The following SVIL variants were observed in gnomAD, a reference collection of about 807,000 sequenced individuals.
The protein encoded by SVIL is supervillin.
Under a neutral mutation model 240.4 loss-of-function variants are expected in SVIL, and 101 were observed. The observed-to-expected ratio is 0.42, with a 90% CI of 0.36 to 0.50. The LOEUF (loss-of-function observed/expected upper bound fraction) is 0.50. Ranked by LOEUF, SVIL falls within the 20% of genes least tolerant of loss-of-function variation. The probability of loss-of-function intolerance (pLI) is 0.01; values close to 1 mark genes in which losing one functional copy is unlikely to be tolerated. For synonymous variants in SVIL, 999 were observed against 1,100.0 expected, an observed-to-expected ratio of 0.91 and a Z score of 1.82; for missense variants, 2,512 against 2,818.7, an observed-to-expected ratio of 0.89 and a Z score of 2.46.
chr10:29,655,557 C>A (rs1377838472), intron 3 of SVIL, among the ~76,000 whole-genome samples: 1 of 152,174 alleles, frequency 6.6e-6, no homozygotes. Context: ...CCCACTCCAC[C>A]AACTCAAATG....
At chr10:29,544,906 G>A in intron 6 of SVIL, 1 of 482,106 alleles carries the variant, frequency 2.1e-6, no homozygotes, top group South Asian at 1.5e-5. Flanking sequence ...TGGGGGTACA[G>A]GGACTGAAAG....
At chr10:29,541,539 A>G (rs1410239738) in intron 6 of SVIL, among the ~76,000 whole-genome samples, 1 of 152,236 alleles carries the variant, frequency 6.6e-6, no homozygotes, top group Non-Finnish European at 1.5e-5. Context: ...CAGGATAAAC[A>G]TGTGAGATAA....
intron 5 of SVIL, among the ~76,000 whole-genome samples, chr10:29,553,274 C>T (rs76468410): frequency 0.021 from 3,138 of 152,188 alleles, 104 homozygotes; most frequent in African/African-American, 0.071. Flanking sequence ...CTAGAAAACA[C>T]TGGCTATAAA....
intron 1 of SVIL, among the ~76,000 whole-genome samples, chr10:29,687,019 G>A (rs905051495): frequency 2.6e-5 from 4 of 152,170 alleles, no homozygotes; most frequent in Non-Finnish European, 4.4e-5. Flanking sequence ...AAGCCTGGAG[G>A]CTGAGTCATG....
chr10:29,463,661 C>A, intron 34 of SVIL, 26 bp from the exon 35 acceptor site: 1 of 1,609,762 alleles, frequency 6.2e-7, no homozygotes, highest in Non-Finnish European at 8.5e-7. Context: ...CAGGGCCAGA[C>A]CATCAGGAGC....
intron 6 of SVIL, among the ~76,000 whole-genome samples, chr10:29,542,436 G>A (rs190321082): frequency 6.6e-6 from 1 of 152,170 alleles, no homozygotes; most frequent in Admixed American, 6.5e-5. Flanking sequence ...ACAGTGCCGT[G>A]TCTGGAAAAA....
chr10:29,694,787 G>A (rs1322288216), intron 1 of SVIL, among the ~76,000 whole-genome samples: 1 of 152,152 alleles, frequency 6.6e-6, no homozygotes, highest in Non-Finnish European at 1.5e-5. Flanking sequence ...AACCAAAGGG[G>A]AAAAGGAAAA....
chr10:29,464,896 T>G (rs548243024), intron 34 of SVIL, among the ~76,000 whole-genome samples: 29 of 152,300 alleles, frequency 1.9e-4, no homozygotes, highest in East Asian at 1.4e-3. Flanking sequence ...AGTCTCTTGT[T>G]ACTTTCCCAA....
intron 2 of SVIL, among the ~76,000 whole-genome samples, chr10:29,565,278 T>A (rs2132704464): frequency 6.6e-6 from 1 of 152,348 alleles, no homozygotes; most frequent in African/African-American, 2.4e-5. Flanking sequence ...CCGCTGAATT[T>A]ACAGAGTGAG....
At chr10:29,522,693 G>A (rs1333256967) in intron 15 of SVIL, 58 bp from the exon 16 acceptor site, 14 of 1,554,860 alleles carry the variant, frequency 9.0e-6, no homozygotes, top group Non-Finnish European at 1.2e-5. Flanking sequence ...TTCTTCCAGC[G>A]ATTCGCCCTC....
At chr10:29,560,860 A>G (rs925944450) in intron 3 of SVIL, among the ~76,000 whole-genome samples, 1 of 142,460 alleles carries the variant, frequency 7.0e-6, no homozygotes, top group Non-Finnish European at 1.5e-5. Flanking sequence ...TTTTTTTTAG[A>G]CAGAGTCTCG....
intron 30 of SVIL, among the ~76,000 whole-genome samples, 176 bp from the exon 31 acceptor site, chr10:29,471,419 CAG>C (rs1184289069): frequency 1.3e-5 from 2 of 151,452 alleles, no homozygotes; most frequent in Non-Finnish European, 2.9e-5. Flanking sequence ...AGCCTCCTCT[CAG>C]GGTGTTACTC....
intron 5 of SVIL, among the ~76,000 whole-genome samples, chr10:29,552,361 G>A (rs1029044960): frequency 3.3e-5 from 5 of 151,830 alleles, no homozygotes; most frequent in South Asian, 2.1e-4. Context: ...TCAGGAGTTC[G>A]AGACCAGCCT....
At chr10:29,616,593 G>T (rs1410254904) in intron 1 of SVIL, among the ~76,000 whole-genome samples, 1 of 152,178 alleles carries the variant, frequency 6.6e-6, no homozygotes, top group Non-Finnish European at 1.5e-5. Flanking sequence ...TGCCACTCTG[G>T]CATAAGGATT....
At chr10:29,639,232 C>A (rs1018910972), upstream of SVIL, among the ~76,000 whole-genome samples, 5 of 152,036 alleles carry the variant, frequency 3.3e-5, no homozygotes, top group East Asian at 1.9e-4. Context: ...AGTGCAGTGG[C>A]GCGATCTTGG....
At chr10:29,465,196 C>T (rs985245998) in intron 34 of SVIL, among the ~76,000 whole-genome samples, 5 of 152,156 alleles carry the variant, frequency 3.3e-5, no homozygotes, top group African/African-American at 1.2e-4. Flanking sequence ...GGCTTTTTTC[C>T]TTCCCCTTTC....
intron 1 of SVIL, among the ~76,000 whole-genome samples, chr10:29,714,973 A>G (rs1963532193): frequency 6.6e-6 from 1 of 151,250 alleles, no homozygotes; most frequent in South Asian, 2.1e-4. Context: ...AAAAAGAAGA[A>G]AAAGAAAAGA....
chr10:29,481,978 C>T (rs1946907538), intron 27 of SVIL, among the ~76,000 whole-genome samples: 1 of 150,452 alleles, frequency 6.6e-6, no homozygotes, highest in Non-Finnish European at 1.5e-5. Context: ...TGAACCATGT[C>T]AGGACTAGAC....
chr10:29,536,601 T>A (rs2132581600), intron 6 of SVIL, among the ~76,000 whole-genome samples: 2 of 152,274 alleles, frequency 1.3e-5, no homozygotes, highest in Non-Finnish European at 2.9e-5. Context: ...TCCCAAGTAA[T>A]TTTAAATTAT....
Sources: allele counts gnomAD v4.1 joint callset (sites outside exome capture counted in the v4.1 genomes callset), GRCh38; gene constraint gnomAD v4.1.1; transcripts MANE v1.5; gene names NCBI Gene and HGNC (gene_info 2026-07-23, HGNC 2026-07-21).